GALNT13: variants seen among roughly 807,000 people sequenced by gnomAD.
GALNT13 encodes the protein UDP-GalNAc:polypeptide N-acetylgalactosaminyltransferase 13.
A neutral mutation model predicts 64.2 loss-of-function variants in GALNT13; 28 were observed. The ratio of observed to expected loss-of-function variants is 0.44; its 90% CI spans 0.32 to 0.60. The LOEUF is 0.60. Among genes scored for constraint, GALNT13 ranks in the 20% least tolerant of loss-of-function variants. The pLI, the probability that GALNT13 is intolerant of heterozygous loss-of-function variation, is 0.05. For missense variants in GALNT13, 577 were observed against 669.8 expected (o/e 0.86, Z 1.53); for synonymous variants, 214 against 224.6 (o/e 0.95, Z 0.42).
At chr2:153,695,428 C>T in the GALNT13 span, among the ~76,000 whole-genome samples, 2 of 152,080 alleles carry the variant, frequency 1.3e-5, no homozygotes, top group African/African-American at 2.4e-5. Flanking sequence ...GATAGATTAC[C>T]TCTCTTCTGC....
intron 4 of GALNT13, among the ~76,000 whole-genome samples, chr2:154,223,225 A>G (rs1219364151): frequency 1.3e-5 from 2 of 152,094 alleles, no homozygotes; most frequent in African/African-American, 2.4e-5. Flanking sequence ...AGCCCTTTTC[A>G]TAGAATACAG....
chr2:154,091,907 G>A (rs1701827940), intron 3 of GALNT13, among the ~76,000 whole-genome samples: 1 of 151,570 alleles, frequency 6.6e-6, no homozygotes, highest in South Asian at 2.1e-4. Flanking sequence ...AAACTAAATA[G>A]ATCATTTAAA....
intron 3 of GALNT13, among the ~76,000 whole-genome samples, chr2:154,059,508 A>G (rs916707225): frequency 3.3e-5 from 5 of 152,150 alleles, no homozygotes; most frequent in Non-Finnish European, 5.9e-5. Context: ...TTTAATTCCT[A>G]CCAAATTGTA....
the GALNT13 span, among the ~76,000 whole-genome samples, chr2:153,355,374 T>G: frequency 6.6e-6 from 1 of 152,304 alleles, no homozygotes; most frequent in South Asian, 2.1e-4. Flanking sequence ...CATTCTGTAT[T>G]AGATGCCCTC....
At chr2:153,109,968 A>G in the GALNT13 span, among the ~76,000 whole-genome samples, 296 of 152,238 alleles carry the variant, frequency 1.9e-3, 2 homozygotes, top group African/African-American at 6.6e-3. Flanking sequence ...AAGCTTTAGA[A>G]TAGGCTGAGC....
At chr2:154,015,109 CAT>C (rs1231021788) in intron 3 of GALNT13, among the ~76,000 whole-genome samples, 1 of 152,068 alleles carries the variant, frequency 6.6e-6, no homozygotes, top group Non-Finnish European at 1.5e-5. Context: ...AACAATGCCT[CAT>C]ATGTGTGGGC....
the GALNT13 span, among the ~76,000 whole-genome samples, chr2:153,269,830 G>A: frequency 6.6e-6 from 1 of 152,130 alleles, no homozygotes; most frequent in African/African-American, 2.4e-5. Flanking sequence ...GCAGGAAAGA[G>A]AGAGAGGGAA....
intron 3 of GALNT13, among the ~76,000 whole-genome samples, chr2:154,039,073 A>T (rs775338453): frequency 1.2e-4 from 18 of 152,156 alleles, no homozygotes; most frequent in Non-Finnish European, 2.1e-4. Flanking sequence ...ACCTAACCTC[A>T]GTTAGAATAG....
chr2:153,550,739 A>C, the GALNT13 span, among the ~76,000 whole-genome samples: 3 of 152,210 alleles, frequency 2.0e-5, no homozygotes, highest in Non-Finnish European at 2.9e-5. Flanking sequence ...TACAATAGTG[A>C]CAATTAGCAT....
the GALNT13 span, among the ~76,000 whole-genome samples, chr2:153,557,804 A>G: frequency 6.6e-6 from 1 of 151,950 alleles, no homozygotes. Context: ...ATCTAACTTC[A>G]TTCTCCCTCT....
intron 9 of GALNT13, among the ~76,000 whole-genome samples, chr2:154,349,898 A>T (rs527467929): frequency 6.8e-6 from 1 of 147,758 alleles, no homozygotes; most frequent in East Asian, 1.9e-4. Flanking sequence ...AAGTAGGACC[A>T]TATTAGAGGA....
At chr2:153,193,974 G>T in the GALNT13 span, among the ~76,000 whole-genome samples, 3 of 152,080 alleles carry the variant, frequency 2.0e-5, no homozygotes, top group Non-Finnish European at 4.4e-5. Context: ...TGCTAGTCTG[G>T]CGGGTTCCCT....
chr2:153,512,127 T>C, the GALNT13 span, among the ~76,000 whole-genome samples: 1 of 152,066 alleles, frequency 6.6e-6, no homozygotes, highest in South Asian at 2.1e-4. Flanking sequence ...GGCTTACCTA[T>C]GAGGACATTG....
At chr2:153,937,542 C>A (rs1016018981) in intron 2 of GALNT13, among the ~76,000 whole-genome samples, 1 of 152,000 alleles carries the variant, frequency 6.6e-6, no homozygotes, top group Non-Finnish European at 1.5e-5. Context: ...AGGAAATGCC[C>A]TAAAATTGAT....
At chr2:153,478,151 C>A in the GALNT13 span, 2 of 1,057,104 alleles carry the variant, frequency 1.9e-6, no homozygotes, top group Non-Finnish European at 1.4e-6. Flanking sequence ...AGGTTTGCTT[C>A]GCCCAGTCTC....
At chr2:153,557,344 T>C in the GALNT13 span, among the ~76,000 whole-genome samples, 5 of 152,306 alleles carry the variant, frequency 3.3e-5, no homozygotes, top group South Asian at 8.3e-4. Context: ...TTTTCACAAA[T>C]ACGAAATCAC....
intron 3 of GALNT13, among the ~76,000 whole-genome samples, chr2:154,036,563 G>A (rs1284334994): frequency 2.6e-5 from 4 of 152,072 alleles, no homozygotes; most frequent in Admixed American, 1.3e-4. Context: ...TTATTGACCT[G>A]TATGTTTATA....
chr2:153,433,847 A>T, the GALNT13 span, among the ~76,000 whole-genome samples: 9 of 152,132 alleles, frequency 5.9e-5, no homozygotes, highest in African/African-American at 1.7e-4. Flanking sequence ...TTATTATTAT[A>T]CTTTAAGTTT....
chr2:154,426,925 C>G (rs1416446460), intron 11 of GALNT13, among the ~76,000 whole-genome samples: 1 of 152,168 alleles, frequency 6.6e-6, no homozygotes, highest in Non-Finnish European at 1.5e-5. Flanking sequence ...TACTCTCCTA[C>G]TAGAACAGTT....
Sources: gnomAD v4.1 joint callset for allele counts (sites outside exome capture counted in the v4.1 genomes callset) on GRCh38, gnomAD v4.1.1 for gene constraint, MANE v1.5 for transcripts, NCBI Gene and HGNC (gene_info 2026-07-23, HGNC 2026-07-21) for gene names.